The following MAP3K20 variants were observed in gnomAD, a reference collection of about 807,000 sequenced individuals.
The protein encoded by MAP3K20 is mitogen-activated protein kinase kinase kinase 20.
A neutral mutation model predicts 85.7 loss-of-function variants in MAP3K20; 40 were observed. That is an observed-to-expected ratio of 0.47 (90% CI 0.36 to 0.61). MAP3K20 has a LOEUF of 0.61. Ranked by LOEUF, MAP3K20 falls within the 20% of genes least tolerant of loss-of-function variation. The pLI is 0.00. For synonymous variants in MAP3K20, 325 were observed against 327.7 expected, an observed-to-expected ratio of 0.99 and a Z score of 0.09; for missense variants, 817 against 961.7, an observed-to-expected ratio of 0.85 and a Z score of 1.99.
chr2:173,081,107 T>C (rs1687001358), intron 1 of MAP3K20, among the ~76,000 whole-genome samples: 1 of 152,208 alleles, frequency 6.6e-6, no homozygotes, highest in Non-Finnish European at 1.5e-5. Flanking sequence ...AAAATTTATG[T>C]GGATTTTGCA....
intron 16 of MAP3K20, among the ~76,000 whole-genome samples, chr2:173,243,613 T>G (rs1009052000): frequency 6.6e-6 from 1 of 152,028 alleles, no homozygotes; most frequent in African/African-American, 2.4e-5. Flanking sequence ...AGGATCAGAT[T>G]TATGTTTTTT....
In MAP3K20 at chr2:173,198,251, T is replaced by C; in HGVS notation, c.669+139T>C. 1 of 693,646 alleles carries C rather than the reference T, an allele frequency of 1.4e-6. No homozygotes were observed. Among genetic ancestry groups the C allele is most frequent in the Non-Finnish European group, 2.4e-6 (1 of 423,004 alleles). 43.0% of individuals were successfully genotyped at this position (693,646 alleles called of 1,614,324 possible). A position where few individuals can be genotyped will look rare whatever the true frequency, so the allele number is the denominator to read the frequency against. On this transcript the variant is annotated intron_variant, in intron 8 of 19. Transcript: ENST00000375213. The surrounding 1 kb of genome is among the most constrained non-coding windows in gnomAD (Gnocchi z 5.8). ...TAGCAGTAGGAGCTAACACAAAGGG[T>C]CAAAGTGATGTTATTCCTCATGAAT...
At chr2:173,201,551 A>T (rs1574103550) in intron 8 of MAP3K20, among the ~76,000 whole-genome samples, 1 of 152,216 alleles carries the variant, frequency 6.6e-6, no homozygotes, top group Admixed American at 6.5e-5. Context: ...CTTAAAAAAA[A>T]TTTTACATCT....
intron 10 of MAP3K20, among the ~76,000 whole-genome samples, chr2:173,214,937 A>ACTC (rs1429187245): frequency 6.6e-6 from 1 of 152,058 alleles, no homozygotes; most frequent in Non-Finnish European, 1.5e-5. Context: ...ACACGATTTG[A>ACTC]CTCTGCAGTG....
At chr2:173,110,491 T>G (rs971718014) in intron 2 of MAP3K20, among the ~76,000 whole-genome samples, 2 of 151,688 alleles carry the variant, frequency 1.3e-5, no homozygotes, top group Non-Finnish European at 2.9e-5. Context: ...AGTTCTTTAG[T>G]GGTGATTTGT....
At chr2:173,194,798 A>G (rs1167078206) in intron 7 of MAP3K20, among the ~76,000 whole-genome samples, 1 of 152,110 alleles carries the variant, frequency 6.6e-6, no homozygotes, top group Non-Finnish European at 1.5e-5. Flanking sequence ...AAAAACTGCA[A>G]TATATTTTTG....
intron 5 of MAP3K20, among the ~76,000 whole-genome samples, chr2:173,188,484 A>G (rs1238654282): frequency 1.3e-5 from 2 of 152,306 alleles, no homozygotes; most frequent in East Asian, 1.9e-4. Context: ...TAAAACGAGT[A>G]TATGCTAATA....
At chr2:173,112,855 C>G (rs926349154) in intron 2 of MAP3K20, among the ~76,000 whole-genome samples, 3 of 151,976 alleles carry the variant, frequency 2.0e-5, no homozygotes, top group African/African-American at 7.2e-5. Flanking sequence ...CTATGTTCAT[C>G]AAGGATATCA....
At chr2:173,161,735 G>A (rs1006354581) in intron 2 of MAP3K20, among the ~76,000 whole-genome samples, 8 of 152,134 alleles carry the variant, frequency 5.3e-5, no homozygotes, top group Non-Finnish European at 7.3e-5. Context: ...TAGAGCCCAC[G>A]TGATTTCCAG....
chr2:173,242,395 C>T (rs1684808771), intron 16 of MAP3K20, among the ~76,000 whole-genome samples: 1 of 151,916 alleles, frequency 6.6e-6, no homozygotes, highest in Non-Finnish European at 1.5e-5. Flanking sequence ...TCTCGAACTC[C>T]CGACCTCAGG....
intron 8 of MAP3K20, among the ~76,000 whole-genome samples, chr2:173,203,100 C>G (rs2106291630): frequency 6.6e-6 from 1 of 152,218 alleles, no homozygotes; most frequent in African/African-American, 2.4e-5. Context: ...CATTCCTGAC[C>G]TGTTATACTT....
chr2:173,112,806 AT>A (rs57170663), intron 2 of MAP3K20, among the ~76,000 whole-genome samples: 3 of 150,916 alleles, frequency 2.0e-5, no homozygotes, highest in Non-Finnish European at 3.0e-5. Context: ...ATGTTGTTGG[AT>A]TTTTTTTTAG....
At chr2:173,217,339 C>CCCG in intron 11 of MAP3K20, 89 bp downstream of exon 11, 1 of 1,328,432 alleles carries the variant, frequency 7.5e-7, no homozygotes, top group Non-Finnish European at 9.7e-7. Context: ...TCCCCTGCCT[C>CCCG]CCGCCGCCCC....
At chr2:173,221,950 A>C in intron 11 of MAP3K20, 1 of 986,988 alleles carries the variant, frequency 1.0e-6, no homozygotes, top group Non-Finnish European at 1.2e-6. Flanking sequence ...ACACGTAGTA[A>C]TTCTGTGACA....
Position 173,238,359 on chromosome 2 carries a change from GA to G in MAP3K20, c.1204-13del, listed in dbSNP as rs1164642218. ...TACTGGATCATTAATAAAGTCATAT[GA>G]TTTTTTTTACAGTCAGCCATTGAGA... On this transcript the variant is annotated splice_polypyrimidine_tract_variant and intron_variant, in intron 14 of 19. Transcript: ENST00000375213. 4 of 1,605,378 alleles carry G rather than the reference GA, an allele frequency of 2.5e-6. No homozygotes were observed. The highest frequency in any genetic ancestry group is 1.7e-5 in the Admixed American group (1 of 59,480).
At chr2:173,111,172 C>G (rs1188457820) in intron 2 of MAP3K20, among the ~76,000 whole-genome samples, 1 of 152,158 alleles carries the variant, frequency 6.6e-6, no homozygotes, top group East Asian at 1.9e-4. Context: ...TTGCATTTCC[C>G]TGATCATTAG....
intron 1 of MAP3K20, among the ~76,000 whole-genome samples, chr2:173,085,240 T>G (rs967957398): frequency 1.3e-5 from 2 of 152,160 alleles, no homozygotes; most frequent in African/African-American, 2.4e-5. Context: ...GTTTTTAATT[T>G]GGGGCAAAAG....
At chr2:173,220,449 T>TC (rs1316349062) in intron 11 of MAP3K20, among the ~76,000 whole-genome samples, 1 of 150,718 alleles carries the variant, frequency 6.6e-6, no homozygotes, top group African/African-American at 2.4e-5. Flanking sequence ...TTCCCAGTTT[T>TC]CATGTGTTTA....
chr2:173,258,630 G>C (rs1170093020), intron 16 of MAP3K20, 69 bp from the exon 17 acceptor site: 3 of 823,868 alleles, frequency 3.6e-6, no homozygotes, highest in African/African-American at 1.8e-5. Flanking sequence ...TTATGTGTTA[G>C]GAAATATTGA....
Sources: gnomAD v4.1 joint callset for allele counts (sites outside exome capture counted in the v4.1 genomes callset) on GRCh38, gnomAD v4.1.1 for gene constraint, Gnocchi (gnomAD v3.1) non-coding constraint, MANE v1.5 for transcripts, NCBI Gene and HGNC (gene_info 2026-07-23, HGNC 2026-07-21) for gene names.